CTNND2: variants seen among roughly 807,000 people sequenced by gnomAD.
CTNND2 encodes catenin delta 2.
CTNND2 carries 22 observed loss-of-function variants against 144.4 expected under a neutral mutation model. That is an observed-to-expected ratio of 0.15 (90% CI 0.11 to 0.22). CTNND2 has a LOEUF of 0.22. CTNND2 is among the 10% of genes least tolerant of loss of function. CTNND2 has a pLI of 1.00. For missense variants in CTNND2, 1,353 were observed against 1,618.8 expected, an observed-to-expected ratio of 0.84 and a Z score of 2.82; for synonymous variants, 751 against 695.6, an observed-to-expected ratio of 1.08 and a Z score of -1.25.
At chr5:11,409,375 T>C (rs1357896744) in intron 5 of CTNND2, among the ~76,000 whole-genome samples, 1 of 152,078 alleles carries the variant, frequency 6.6e-6, no homozygotes, top group Non-Finnish European at 1.5e-5. Flanking sequence ...GTAACAAACA[T>C]ATACTATCAT....
At position 11,022,798 on chromosome 5, in the gene CTNND2, C is replaced by T; in HGVS notation, c.2970G>A (p.Leu990=). Residue 990 remains leucine, a synonymous_variant, in exon 17 of 22, where the codon TTG becomes TTA. Transcript: ENST00000304623. The part of the protein sequence containing the change: ...ALRDAGGIEK[L]VGISKSKGDK... ...CTCCTTTGCTTTTGGAGATGCCGAC[C>T]AACTTCTCGATGCCACCGGCATCCC... The T allele has an allele frequency of 6.2e-7, 1 of 1,614,130 alleles. No homozygotes were observed. Among genetic ancestry groups the T allele is most frequent in the Non-Finnish European group, 8.5e-7 (1 of 1,180,016 alleles).
At chr5:11,394,147 T>G (rs1462648815) in intron 6 of CTNND2, among the ~76,000 whole-genome samples, 1 of 152,230 alleles carries the variant, frequency 6.6e-6, no homozygotes, top group African/African-American at 2.4e-5. Flanking sequence ...CTTACCCTGG[T>G]CTGTATCCAT....
rs148235766 is a variant in CTNND2, at chr5:11,685,745, T to G, written c.174+46391A>C. ...ATGAATACTTGCAATATTATTGATCTCTACAAAGAGTATCTCAGGTAATTC... is the reference window on the plus strand; with the variant it reads ...ATGAATACTTGCAATATTATTGATCGCTACAAAGAGTATCTCAGGTAATTC... On this transcript the variant is annotated intron_variant, in intron 2 of 21. Coordinates refer to ENST00000304623, the MANE Select transcript of CTNND2 (RefSeq NM_001332.4). Among the ~76,000 whole-genome samples the G allele has an allele frequency of 9.8e-5, 15 of 152,338 alleles. No homozygotes were observed. In the East Asian group the frequency reaches 2.9e-3, roughly 29 times the overall value.
At chr5:11,589,282 A>ACACAC (rs1779083358) in intron 2 of CTNND2, among the ~76,000 whole-genome samples, 2 of 146,620 alleles carry the variant, frequency 1.4e-5, no homozygotes, top group African/African-American at 5.1e-5. Flanking sequence ...TTAACATTAA[A>ACACAC]ACACACACAC....
chr5:11,772,333 C>T (rs1227351366), intron 1 of CTNND2, among the ~76,000 whole-genome samples: 1 of 152,046 alleles, frequency 6.6e-6, no homozygotes, highest in African/African-American at 2.4e-5. Flanking sequence ...AGTTTAAAGT[C>T]AAGTGGTAGG....
At chr5:11,572,206 G>T (rs2190988) in intron 2 of CTNND2, among the ~76,000 whole-genome samples, 23,625 of 152,044 alleles carry the variant, frequency 0.16, 2,566 homozygotes, top group East Asian at 0.44. Flanking sequence ...CCCTGAGCTG[G>T]AATATTCTAG....
chr5:11,370,196 C>A (rs1183680708), intron 7 of CTNND2, among the ~76,000 whole-genome samples: 1 of 143,128 alleles, frequency 7.0e-6, no homozygotes, highest in African/African-American at 2.6e-5. Flanking sequence ...TTTTACATTT[C>A]AATTTTCATT....
At chr5:11,475,640 G>C (rs1767655470) in intron 3 of CTNND2, among the ~76,000 whole-genome samples, 1 of 152,084 alleles carries the variant, frequency 6.6e-6, no homozygotes, top group Non-Finnish European at 1.5e-5. Context: ...TTTATATCAG[G>C]GTGCAGTTCT....
chr5:11,566,590 C>T (rs1188976250), intron 2 of CTNND2, among the ~76,000 whole-genome samples: 3 of 152,206 alleles, frequency 2.0e-5, no homozygotes, highest in Non-Finnish European at 4.4e-5. Context: ...TACAGAACTC[C>T]TCACATGTCG....
At chr5:11,295,415 A>AT (rs1482782831) in intron 9 of CTNND2, among the ~76,000 whole-genome samples, 1 of 152,152 alleles carries the variant, frequency 6.6e-6, no homozygotes. Flanking sequence ...GCCCAAGGTA[A>AT]TTTATAGATT....
At chr5:11,770,578 A>G (rs1561781871) in intron 1 of CTNND2, among the ~76,000 whole-genome samples, 1 of 152,106 alleles carries the variant, frequency 6.6e-6, no homozygotes, top group Non-Finnish European at 1.5e-5. Context: ...AGTGATCACA[A>G]AAAACAGAGT....
At chr5:11,614,789 G>A (rs1780502608) in intron 2 of CTNND2, among the ~76,000 whole-genome samples, 1 of 152,174 alleles carries the variant, frequency 6.6e-6, no homozygotes, top group Admixed American at 6.5e-5. Context: ...TGAGAGTCCA[G>A]ACAGGGGAGC....
At chr5:11,170,712 T>C (rs1301786154) in intron 11 of CTNND2, among the ~76,000 whole-genome samples, 2 of 151,326 alleles carry the variant, frequency 1.3e-5, no homozygotes, top group Non-Finnish European at 3.0e-5. Context: ...TGACTAGATC[T>C]TTTTTTCAGT....
At chr5:10,992,366 C>CTGAG (rs1177408996) in intron 19 of CTNND2, among the ~76,000 whole-genome samples, 185 bp downstream of exon 19, 1 of 152,208 alleles carries the variant, frequency 6.6e-6, no homozygotes, top group Non-Finnish European at 1.5e-5. Flanking sequence ...GAGATTTGCT[C>CTGAG]TGAGTCTGTG....
rs564461541 is a variant in CTNND2, at chr5:11,291,278, A to G, written c.1629-54455T>C. On this transcript the variant is annotated intron_variant, in intron 9 of 21. Transcript: ENST00000304623. ...TTCTTTTTTTTCAATAATATTAAAT[A>G]TATTTTCCCATCATTCTAGGCTAGA... Among the ~76,000 whole-genome samples, 14 of 152,130 alleles carry G rather than the reference A, an allele frequency of 9.2e-5. 1 individual carries two copies. The South Asian group carries it at 2.7e-3, about 29-fold the overall frequency.
chr5:11,540,073 A>G (rs1386618377), intron 3 of CTNND2, among the ~76,000 whole-genome samples: 1 of 151,506 alleles, frequency 6.6e-6, no homozygotes, highest in African/African-American at 2.4e-5. Context: ...ACGTATAAAT[A>G]CATTAATTAA....
rs140044834 is a variant in CTNND2, at chr5:11,620,955, A to G, written c.175-55899T>C. 2.0e-5 allele frequency among the ~76,000 whole-genome samples: 3 copies of G among 152,244 alleles called. No homozygotes were observed. The East Asian group carries it at 5.8e-4, about 30-fold the overall frequency. Reference sequence around the variant, plus strand: ...ATGGAACACATGACTTATTAGCCAAAATGTGGTCTGCTTGACCCTGTCTGT... The same window carrying G: ...ATGGAACACATGACTTATTAGCCAAGATGTGGTCTGCTTGACCCTGTCTGT... On this transcript the variant is annotated intron_variant, in intron 2 of 21. Transcript: ENST00000304623.
intron 3 of CTNND2, among the ~76,000 whole-genome samples, chr5:11,454,738 C>G (rs1765589338): frequency 6.6e-6 from 1 of 151,758 alleles, no homozygotes; most frequent in South Asian, 2.1e-4. Flanking sequence ...GTATCTGGGA[C>G]TACAGGAACG....
intron 1 of CTNND2, among the ~76,000 whole-genome samples, chr5:11,780,448 G>T (rs1374181440): frequency 6.6e-6 from 1 of 152,176 alleles, no homozygotes; most frequent in Non-Finnish European, 1.5e-5. Context: ...AGGGATGGCT[G>T]CTGCTCCCAG....
Sources: gnomAD v4.1 joint callset for allele counts (sites outside exome capture counted in the v4.1 genomes callset) on GRCh38, gnomAD v4.1.1 for gene constraint, MANE v1.5 for transcripts, NCBI Gene and HGNC (gene_info 2026-07-23, HGNC 2026-07-21) for gene names.